Variants in ARHGAP11B observed in about 807,000 individuals in gnomAD.
ARHGAP11B encodes inactive Rho GTPase-activating protein 11B.
A neutral mutation model predicts 27.6 loss-of-function variants in ARHGAP11B; 14 were observed. The ratio of observed to expected loss-of-function variants is 0.51; its 90% CI spans 0.34 to 0.79. The LOEUF (loss-of-function observed/expected upper bound fraction) is 0.79. Among genes scored for constraint, ARHGAP11B ranks in the 30% least tolerant of loss-of-function variants. ARHGAP11B has a pLI of 0.02. For missense variants in ARHGAP11B, 245 were observed against 320.1 expected, an observed-to-expected ratio of 0.77 and a Z score of 1.79; for synonymous variants, 82 against 114.1, an observed-to-expected ratio of 0.72 and a Z score of 1.80.
exon 9 of ARHGAP11B, chr15:30,646,152 GAC>G (rs2060346380): frequency 2.8e-6 from 3 of 1,057,872 alleles, no homozygotes. Flanking sequence ...AGATTGGAAT[GAC>G]TTTTTGTAAC....
intron 2 of ARHGAP11B, among the ~76,000 whole-genome samples, chr15:30,631,172 AT>A (rs1335798556): frequency 6.6e-6 from 1 of 151,332 alleles, no homozygotes; most frequent in Non-Finnish European, 1.5e-5. Context: ...ACTTTTACAT[AT>A]TTTAAATTTA....
At chr15:30,626,648 G>A in exon 1 of ARHGAP11B, 1 of 840,120 alleles carries the variant, frequency 1.2e-6, no homozygotes, top group South Asian at 1.8e-5. Flanking sequence ...ATGTGAGTGA[G>A]GATCAAGGAA....
At chr15:30,632,558 C>A (rs571244257) in intron 2 of ARHGAP11B, among the ~76,000 whole-genome samples, 73 of 151,738 alleles carry the variant, frequency 4.8e-4, no homozygotes, top group African/African-American at 1.8e-3. Context: ...CAGTTACCTT[C>A]TGTAAATAAG....
intron 1 of ARHGAP11B, among the ~76,000 whole-genome samples, chr15:30,628,801 G>A (rs545824841): frequency 2.8e-4 from 43 of 152,176 alleles, no homozygotes; most frequent in African/African-American, 9.9e-4. Context: ...TTAGCTAACT[G>A]TAGTTTTAAG....
In ARHGAP11B at chr15:30,634,155, T is replaced by G; in HGVS notation, c.298-15T>G. 1 of 1,606,492 alleles carries G rather than the reference T, an allele frequency of 6.2e-7. No individual in the cohort carries two copies. The highest frequency in any genetic ancestry group is 2.2e-5 in the East Asian group (1 of 44,776). ...TAAGTTGCCAAAATACTCAAGATTA[T>G]TATATTTATTTCAGAATAAAGTGGA... is the stretch of plus-strand genomic sequence containing the variant. On this transcript the variant is annotated splice_polypyrimidine_tract_variant and intron_variant, in intron 3 of 10. Transcript: ENST00000428041.
intron 9 of ARHGAP11B, among the ~76,000 whole-genome samples, chr15:30,647,247 C>T (rs1327586266): frequency 6.6e-6 from 1 of 151,492 alleles, no homozygotes; most frequent in Non-Finnish European, 1.5e-5. Flanking sequence ...TCTTTGGGCT[C>T]ATGTTTAGCA....
intron 1 of ARHGAP11B, among the ~76,000 whole-genome samples, chr15:30,628,797 A>G (rs1231789641): frequency 6.6e-6 from 1 of 152,112 alleles, no homozygotes; most frequent in Admixed American, 6.6e-5. Context: ...TTTGTTAGCT[A>G]ACTGTAGTTT....
chr15:30,633,992 T>C (rs1476003058), intron 3 of ARHGAP11B, among the ~76,000 whole-genome samples, 178 bp from the exon 4 acceptor site: 1 of 151,412 alleles, frequency 6.6e-6, no homozygotes, highest in Non-Finnish European at 1.5e-5. Flanking sequence ...TGTGCCACAT[T>C]TCTATAAAAA....
intron 2 of ARHGAP11B, among the ~76,000 whole-genome samples, chr15:30,633,232 G>C (rs1305748185): frequency 1.3e-5 from 2 of 151,696 alleles, no homozygotes; most frequent in Non-Finnish European, 2.9e-5. Context: ...GCTCTGAAGG[G>C]AAGCAGAAAT....
intron 1 of ARHGAP11B, among the ~76,000 whole-genome samples, chr15:30,627,485 T>G (rs1053285617): frequency 2.0e-5 from 3 of 152,024 alleles, no homozygotes; most frequent in Non-Finnish European, 4.4e-5. Context: ...ACATTAGAAA[T>G]AGGCTTCAAA....
chr15:30,637,907 C>A (rs999986946), intron 6 of ARHGAP11B, among the ~76,000 whole-genome samples: 41 of 150,620 alleles, frequency 2.7e-4, no homozygotes, highest in Non-Finnish European at 6.1e-4. Context: ...GCAATCTCCA[C>A]CTCCTGGGTT....
Position 30,635,644 on chromosome 15 carries a change from G to A in ARHGAP11B, c.*3+11G>A, listed in dbSNP as rs748975355. 2 of 1,613,070 alleles carry A rather than the reference G, an allele frequency of 1.2e-6. No homozygotes were observed. Among genetic ancestry groups the A allele is most frequent in the Non-Finnish European group, 1.7e-6 (2 of 1,179,416 alleles). ...GACAACGTGTAGGAGGTAAGTGGTG[G>A]TCCCATTTTATGGAGGTACAGTGAT... On this transcript the variant is annotated intron_variant, in intron 6 of 10. Transcript: ENST00000428041.
Position 30,638,872 on chromosome 15 carries a change from A to G in ARHGAP11B, c.*78+52A>G, listed in dbSNP as rs555348515. 125 of 914,048 alleles carry G rather than the reference A, an allele frequency of 1.4e-4. 3 individuals are homozygous for G. Among genetic ancestry groups the G allele is most frequent in the South Asian group, 8.8e-4 (39 of 44,384 alleles). 56.6% of individuals were successfully genotyped at this position (914,048 alleles called of 1,614,324 possible). A position where few individuals can be genotyped will look rare whatever the true frequency, so the allele number is the denominator to read the frequency against. On this transcript the variant is annotated intron_variant, in intron 7 of 10. Transcript: ENST00000428041. ...TAAATTAAAATTTGTATAGTATTCT[A>G]TAAAATACAATTACAATAATAATTG...
exon 3 of ARHGAP11B, chr15:30,633,562 T>C: frequency 6.2e-7 from 1 of 1,613,206 alleles, no homozygotes; most frequent in Non-Finnish European, 8.5e-7. Flanking sequence ...AATCAGGATC[T>C]GTGATTCGCC....
intron 9 of ARHGAP11B, among the ~76,000 whole-genome samples, chr15:30,647,047 G>A (rs866456927): frequency 2.0e-5 from 3 of 151,942 alleles, no homozygotes; most frequent in South Asian, 2.1e-4. Flanking sequence ...TGCCCATGTG[G>A]AATGGGTTGT....
chr15:30,628,708 G>A lies in ARHGAP11B; in HGVS notation c.129+1759G>A, dbSNP rs1034569617. On this transcript the variant is annotated intron_variant, in intron 1 of 10. Transcript: ENST00000428041. ...GAAACACTTATAAGAATATTCTAATGAAGAAATGTAGAAGATCATTGTGTT... is the reference window on the plus strand; with the variant it reads ...GAAACACTTATAAGAATATTCTAATAAAGAAATGTAGAAGATCATTGTGTT... 4.6e-5 allele frequency among the ~76,000 whole-genome samples: 7 copies of A among 152,036 alleles called. 1 individual carries two copies. The highest frequency in any genetic ancestry group is 8.8e-5 in the Non-Finnish European group (6 of 68,016).
chr15:30,637,516 T>G (rs936706031), intron 6 of ARHGAP11B, among the ~76,000 whole-genome samples: 5 of 152,076 alleles, frequency 3.3e-5, no homozygotes, highest in African/African-American at 1.2e-4. Flanking sequence ...GGGCGGATCA[T>G]GAGGTCAGGA....
chr15:30,646,420 T>C (rs2060348327), intron 9 of ARHGAP11B: 1 of 169,924 alleles, frequency 5.9e-6, no homozygotes, highest in East Asian at 1.7e-4. Flanking sequence ...TTTAGGTTTA[T>C]GCAAATTATC....
chr15:30,627,291 G>A (rs1458265270), intron 1 of ARHGAP11B, among the ~76,000 whole-genome samples: 3 of 151,980 alleles, frequency 2.0e-5, no homozygotes, highest in Non-Finnish European at 4.4e-5. Context: ...GATGCTGGTA[G>A]CATCTCTCAG....
Sources: allele counts gnomAD v4.1 joint callset (sites outside exome capture counted in the v4.1 genomes callset), GRCh38; gene constraint gnomAD v4.1.1; transcripts MANE v1.5; gene names NCBI Gene and HGNC (gene_info 2026-07-23, HGNC 2026-07-21).